The following CADPS2 variants were observed in gnomAD, a reference collection of about 807,000 sequenced individuals.
The protein encoded by CADPS2 is calcium dependent secretion activator 2, also known as calcium-dependent secretion activator 2.
CADPS2 carries 93 observed loss-of-function variants against 172.5 expected under a neutral mutation model. That is an observed-to-expected ratio of 0.54 (90% CI 0.46 to 0.64). The LOEUF is 0.64. Among genes scored for constraint, CADPS2 ranks in the 30% least tolerant of loss-of-function variants. CADPS2 has a pLI of 0.00. For missense variants in CADPS2, 1,420 were observed against 1,565.9 expected, an observed-to-expected ratio of 0.91 and a Z score of 1.57; for synonymous variants, 546 against 555.2, an observed-to-expected ratio of 0.98 and a Z score of 0.23.
chr7:122,688,870 G>C (rs2083968112), intron 2 of CADPS2, among the ~76,000 whole-genome samples: 1 of 152,162 alleles, frequency 6.6e-6, no homozygotes, highest in Non-Finnish European at 1.5e-5. Flanking sequence ...GGCCAAGGGA[G>C]ACATAGGCCT....
intron 12 of CADPS2, chr7:122,480,055 A>G: frequency 4.3e-6 from 2 of 469,082 alleles, no homozygotes; most frequent in South Asian, 3.1e-5. Flanking sequence ...AACAAAGTAC[A>G]GTTTAACCAA....
At chr7:122,697,620 T>A (rs2085320139) in intron 2 of CADPS2, 1 of 563,724 alleles carries the variant, frequency 1.8e-6, no homozygotes. Context: ...ACAAAAAAAA[T>A]CCCGCTAGGA....
intron 2 of CADPS2, among the ~76,000 whole-genome samples, chr7:122,703,506 T>G (rs1428292155): frequency 2.0e-5 from 3 of 152,160 alleles, no homozygotes; most frequent in Admixed American, 2.0e-4. Context: ...CTCTTATTGT[T>G]AGCCTAATAC....
intron 1 of CADPS2, among the ~76,000 whole-genome samples, chr7:122,778,790 G>T (rs1466642053): frequency 1.3e-5 from 2 of 152,222 alleles, no homozygotes; most frequent in Admixed American, 1.3e-4. Context: ...AATGAGTTAA[G>T]ACTCTGGGGA....
At chr7:122,465,118 AAGAG>A (rs1486618982) in intron 14 of CADPS2, among the ~76,000 whole-genome samples, 14 of 152,188 alleles carry the variant, frequency 9.2e-5, no homozygotes, top group Admixed American at 9.2e-4. Context: ...AAGAGAAAAA[AAGAG>A]AGAGAAGGTA....
At chr7:122,692,618 C>A (rs1227828841) in intron 2 of CADPS2, among the ~76,000 whole-genome samples, 2 of 152,182 alleles carry the variant, frequency 1.3e-5, no homozygotes, top group Admixed American at 6.5e-5. Flanking sequence ...GACCCAAGAC[C>A]CCTCAGAACT....
chr7:122,699,500 G>C (rs1456822409), intron 2 of CADPS2, among the ~76,000 whole-genome samples: 1 of 152,134 alleles, frequency 6.6e-6, no homozygotes, highest in South Asian at 2.1e-4. Flanking sequence ...AAAGTGGTGA[G>C]CTTAGTGACA....
intron 18 of CADPS2, among the ~76,000 whole-genome samples, chr7:122,415,214 G>A (rs141384331): frequency 1.3e-5 from 2 of 152,332 alleles, no homozygotes; most frequent in East Asian, 1.9e-4. Context: ...AAAGCCTAGA[G>A]TTATCAACCA....
chr7:122,795,539 A>G (rs6959882), intron 1 of CADPS2, among the ~76,000 whole-genome samples: 32,702 of 152,042 alleles, frequency 0.22, 3,771 homozygotes, highest in Middle Eastern at 0.31. Flanking sequence ...CTTTTTCCCT[A>G]GGATGCAAAG....
chr7:122,652,454 A>T (rs1241821864), intron 3 of CADPS2, among the ~76,000 whole-genome samples: 1 of 152,218 alleles, frequency 6.6e-6, no homozygotes, highest in Non-Finnish European at 1.5e-5. Context: ...ACTATCAAAT[A>T]TACAGTTTTA....
At chr7:122,346,153 G>C (rs1168235901) in intron 27 of CADPS2, among the ~76,000 whole-genome samples, 2 of 151,982 alleles carry the variant, frequency 1.3e-5, no homozygotes, top group Non-Finnish European at 2.9e-5. Flanking sequence ...GATCGCTTGG[G>C]CCCAGGAGTT....
chr7:122,495,884 T>A (rs867752551), intron 9 of CADPS2, among the ~76,000 whole-genome samples: 23 of 152,198 alleles, frequency 1.5e-4, no homozygotes, highest in African/African-American at 5.5e-4. Flanking sequence ...TATTTGAGTT[T>A]ACAATTCTTA....
At chr7:122,749,349 GAGA>G (rs1438694518) in intron 1 of CADPS2, among the ~76,000 whole-genome samples, 4 of 152,088 alleles carry the variant, frequency 2.6e-5, no homozygotes, top group East Asian at 1.9e-4. Flanking sequence ...GGATTTGTGA[GAGA>G]AGAAGGGTAG....
intron 1 of CADPS2, among the ~76,000 whole-genome samples, chr7:122,798,841 TG>T (rs1796957885): frequency 6.6e-6 from 1 of 151,898 alleles, no homozygotes; most frequent in South Asian, 2.1e-4. Flanking sequence ...CCTCAACTTC[TG>T]CTTGATTTTT....
intron 5 of CADPS2, among the ~76,000 whole-genome samples, chr7:122,619,788 GGTAA>G (rs2075371721): frequency 6.6e-6 from 1 of 152,146 alleles, no homozygotes; most frequent in Non-Finnish European, 1.5e-5. Context: ...AAATTCTATA[GGTAA>G]CATGCTATGT....
chr7:122,501,039 G>A lies in CADPS2; in HGVS notation c.1543-9619C>T, dbSNP rs546632633. The stretch of plus-strand genomic sequence containing the variant: ...GGAGGCTGAGGTGAGATGATCACTT[G>A]AGGCTAGGAGTTCAAGACTAGCGTA... On this transcript the variant is annotated intron_variant, in intron 9 of 29. Coordinates refer to ENST00000449022, the MANE Select transcript of CADPS2 (RefSeq NM_017954.11). Among the ~76,000 whole-genome samples, 77 of 152,206 alleles carry A rather than the reference G, an allele frequency of 5.1e-4. No individual in the cohort carries two copies. The South Asian group carries it at 0.016, about 31-fold the overall frequency.
chr7:122,469,331 G>GGTTT (rs962125824), intron 14 of CADPS2, among the ~76,000 whole-genome samples: 1 of 152,012 alleles, frequency 6.6e-6, no homozygotes, highest in African/African-American at 2.4e-5. Context: ...GTTTGCTTTG[G>GGTTT]GTTTGTTTGT....
intron 3 of CADPS2, among the ~76,000 whole-genome samples, chr7:122,652,510 T>C (rs1360702792): frequency 6.6e-6 from 1 of 152,188 alleles, no homozygotes; most frequent in Non-Finnish European, 1.5e-5. Context: ...ATATTTGAAA[T>C]TAACTGCATT....
rs557043789 is a variant in CADPS2, at chr7:122,501,139, C to T, written c.1543-9719G>A. On this transcript the variant is annotated intron_variant, in intron 9 of 29. Transcript: ENST00000449022. ...GCATGATGGCATATGCCTGTAGTCCCAGCTACTTGGGAGGATAAGGTGGGA... is the reference window on the plus strand; with the variant it reads ...GCATGATGGCATATGCCTGTAGTCCTAGCTACTTGGGAGGATAAGGTGGGA... Among the ~76,000 whole-genome samples, 4 of 152,124 alleles carry T rather than the reference C, an allele frequency of 2.6e-5. No individual in the cohort carries two copies. In the South Asian group the frequency reaches 8.3e-4, roughly 32 times the overall value.
Sources: gnomAD v4.1 joint callset for allele counts (sites outside exome capture counted in the v4.1 genomes callset) on GRCh38, gnomAD v4.1.1 for gene constraint, MANE v1.5 for transcripts, NCBI Gene and HGNC (gene_info 2026-07-23, HGNC 2026-07-21) for gene names.